ATG7: variants seen among roughly 807,000 people sequenced by gnomAD.
ATG7 encodes autophagy related 7.
In ATG7, 70 loss-of-function variants were observed where a neutral mutation model predicts 82.4. That is an observed-to-expected ratio of 0.85 (90% CI 0.70 to 1.04). ATG7 has a LOEUF of 1.04. Among genes scored for constraint, ATG7 ranks in the 50% least tolerant of loss-of-function variants. The probability of loss-of-function intolerance (pLI) is 0.00; values close to 1 mark genes in which losing one functional copy is unlikely to be tolerated. For synonymous variants in ATG7, 287 were observed against 313.0 expected (o/e 0.92, Z 0.88); for missense variants, 792 against 864.3 (o/e 0.92, Z 1.05).
At chr3:11,361,383 C>T (rs1477032250) in intron 16 of ATG7, among the ~76,000 whole-genome samples, 2 of 151,272 alleles carry the variant, frequency 1.3e-5, no homozygotes, top group African/African-American at 4.9e-5. Context: ...CTCCTGGGTT[C>T]AAGTGATTCT....
In ATG7 at chr3:11,360,697, T is replaced by G. The variant is rs1397394940; in HGVS notation, c.1596T>G (p.Ala532=). 6.2e-7 allele frequency: 1 copy of G among 1,614,084 alleles called. No homozygotes were observed. Among genetic ancestry groups the G allele is most frequent in the Non-Finnish European group, 8.5e-7 (1 of 1,180,034 alleles). Residue 532 remains alanine, a synonymous_variant, in exon 16 of 21, where the codon GCT becomes GCG. Transcript: ENST00000693202. The part of the protein sequence containing the change: ...DLCPNHPVAS[A]DLLGSSLFAN... ...GTCCAAACCACCCTGTGGCATCTGCTGACCTCCTGGGCTCATCGCTTTTTG... is the reference window on the plus strand; with the variant it reads ...GTCCAAACCACCCTGTGGCATCTGCGGACCTCCTGGGCTCATCGCTTTTTG...
intron 18 of ATG7, among the ~76,000 whole-genome samples, chr3:11,377,210 C>A (rs79885194): frequency 1.3e-5 from 2 of 152,198 alleles, no homozygotes; most frequent in Non-Finnish European, 2.9e-5. Flanking sequence ...GAAGGGTTTC[C>A]TGTCTTGAAT....
chr3:11,551,946 A>G (rs1235810338), intron 20 of ATG7, among the ~76,000 whole-genome samples: 1 of 147,000 alleles, frequency 6.8e-6, no homozygotes, highest in East Asian at 2.1e-4. Context: ...ACGGGGTTTC[A>G]CCATGTTGGC....
intron 19 of ATG7, among the ~76,000 whole-genome samples, chr3:11,407,781 G>C (rs891123730): frequency 3.3e-5 from 5 of 152,214 alleles, no homozygotes; most frequent in African/African-American, 1.2e-4. Context: ...CACAGCTGGA[G>C]TGTCTGGGAT....
intron 20 of ATG7, among the ~76,000 whole-genome samples, chr3:11,491,913 T>C (rs191051282): frequency 0.011 from 1,722 of 152,290 alleles, 31 homozygotes; most frequent in African/African-American, 0.039. Flanking sequence ...TGCTGTCTTT[T>C]TGTTTGTCTG....
At chr3:11,568,928 A>T in the ATG7 span, 1 of 1,247,716 alleles carries the variant, frequency 8.0e-7, no homozygotes, top group East Asian at 4.1e-5. The surrounding 1 kb of genome is among the most constrained non-coding windows in gnomAD (Gnocchi z 5.9). Context: ...GGGCACTTCC[A>T]CTGCCAGCTG....
At chr3:11,352,703 A>G (rs1370971136) in intron 14 of ATG7, among the ~76,000 whole-genome samples, 3 of 152,274 alleles carry the variant, frequency 2.0e-5, no homozygotes, top group African/African-American at 7.2e-5. Flanking sequence ...TTATTGAATT[A>G]TAATTGAAAT....
At chr3:11,496,147 G>A (rs754505892) in intron 20 of ATG7, among the ~76,000 whole-genome samples, 11 of 152,142 alleles carry the variant, frequency 7.2e-5, no homozygotes, top group Admixed American at 1.3e-4. Flanking sequence ...AAAGGAGGAC[G>A]TTATCGCTCT....
intron 20 of ATG7, among the ~76,000 whole-genome samples, chr3:11,512,841 T>TGCTGATTGGTCCATTTTACAGAGA (rs1331939713): frequency 6.6e-6 from 1 of 152,206 alleles, no homozygotes; most frequent in Non-Finnish European, 1.5e-5. Context: ...ACCCACATCC[T>TGCTGATTGGTCCATTTTACAGAGA]GCTGATTGGT....
intron 11 of ATG7, among the ~76,000 whole-genome samples, chr3:11,338,494 C>G (rs543269097): frequency 5.6e-5 from 6 of 106,544 alleles, no homozygotes; most frequent in African/African-American, 1.7e-4. Context: ...CACAGAAAAA[C>G]AATTCTGAAG....
chr3:11,479,137 T>G lies in ATG7; in HGVS notation c.2079+52211T>G, dbSNP rs1452757901. ...TCCAGCATTGCCTTTGCCAGTAGTT[T>G]AGTTCATATGGACTTGATGCCAATT... On this transcript the variant is annotated intron_variant, in intron 20 of 20. Coordinates refer to ENST00000693202, the MANE Select transcript of ATG7 (RefSeq NM_001349232.2). 2.0e-5 allele frequency among the ~76,000 whole-genome samples: 3 copies of G among 152,202 alleles called. No homozygotes were observed. The East Asian group carries it at 5.8e-4, about 29-fold the overall frequency.
chr3:11,276,945 G>A (rs1429096054), intron 1 of ATG7, among the ~76,000 whole-genome samples: 3 of 152,054 alleles, frequency 2.0e-5, no homozygotes, highest in Admixed American at 6.6e-5. Flanking sequence ...TGAACCTGCC[G>A]TTCTTTCTCC....
chr3:11,464,754 A>C (rs570878615), intron 20 of ATG7, among the ~76,000 whole-genome samples: 1 of 152,294 alleles, frequency 6.6e-6, no homozygotes, highest in East Asian at 1.9e-4. Flanking sequence ...TTTATTGCCG[A>C]ATAGGTTCTG....
At chr3:11,372,704 AAATGT>A (rs1189591250) in intron 18 of ATG7, among the ~76,000 whole-genome samples, 4 of 151,164 alleles carry the variant, frequency 2.6e-5, no homozygotes, top group African/African-American at 9.8e-5. Flanking sequence ...AAGGGAAAAA[AAATGT>A]AATGGAAATC....
At chr3:11,561,481 C>G (rs1204393282), downstream of ATG7, among the ~76,000 whole-genome samples, 1 of 152,208 alleles carries the variant, frequency 6.6e-6, no homozygotes, top group African/African-American at 2.4e-5. Flanking sequence ...CTCTCCTCCT[C>G]CCCACAACCC....
chr3:11,507,694 A>C (rs1205091134), intron 20 of ATG7, among the ~76,000 whole-genome samples: 1 of 152,178 alleles, frequency 6.6e-6, no homozygotes, highest in Admixed American at 6.5e-5. Flanking sequence ...AATTCTATTC[A>C]TGGACTCCTT....
Position 11,360,800 on chromosome 3 carries a change from T to C in ATG7, c.1683+16T>C, listed in dbSNP as rs1286203841. 1 of 1,613,652 alleles carries C rather than the reference T, an allele frequency of 6.2e-7. No individual in the cohort carries two copies. The highest frequency in any genetic ancestry group is 8.5e-7 in the Non-Finnish European group (1 of 1,179,560). Reference sequence around the variant, plus strand: ...CCCAGGAGATGTAAGTGGATTTCTCTATAGTTCCAAATATTTCCTATCACC... The same window carrying C: ...CCCAGGAGATGTAAGTGGATTTCTCCATAGTTCCAAATATTTCCTATCACC... On this transcript the variant is annotated intron_variant, in intron 16 of 20. Transcript: ENST00000693202.
chr3:11,522,560 G>A (rs774245067), intron 20 of ATG7, among the ~76,000 whole-genome samples: 1 of 152,164 alleles, frequency 6.6e-6, no homozygotes, highest in East Asian at 1.9e-4. Context: ...AGACACTCCT[G>A]TAAGAAGCTG....
chr3:11,573,316 G>GAAGGAAGGAAGAAAGAAAGA, the ATG7 span, among the ~76,000 whole-genome samples: 1 of 20,754 alleles, frequency 4.8e-5, no homozygotes. Flanking sequence ...AGGAAGGAAG[G>GAAGGAAGGAAGAAAGAAAGA]AAGAAAGAAA....
Sources: gnomAD v4.1 joint callset for allele counts (sites outside exome capture counted in the v4.1 genomes callset) on GRCh38, gnomAD v4.1.1 for gene constraint, Gnocchi (gnomAD v3.1) non-coding constraint, MANE v1.5 for transcripts, NCBI Gene and HGNC (gene_info 2026-07-23, HGNC 2026-07-21) for gene names.